Variants in THSD7A observed in about 807,000 individuals in gnomAD.
THSD7A encodes thrombospondin type-1 domain-containing protein 7A.
THSD7A carries 96 observed loss-of-function variants against 231.3 expected under a neutral mutation model. That is an observed-to-expected ratio of 0.41 (90% CI 0.35 to 0.49). THSD7A has a LOEUF of 0.49. THSD7A is among the 20% of genes least tolerant of loss of function. The pLI, the probability that THSD7A is intolerant of heterozygous loss-of-function variation, is 0.05. For missense variants in THSD7A, 2,290 were observed against 2,070.2 expected, an observed-to-expected ratio of 1.11 and a Z score of -2.06; for synonymous variants, 940 against 743.3, an observed-to-expected ratio of 1.26 and a Z score of -4.30.
intron 1 of THSD7A, among the ~76,000 whole-genome samples, chr7:11,659,479 T>A (rs1245661896): frequency 6.6e-6 from 1 of 151,490 alleles, no homozygotes; most frequent in African/African-American, 2.4e-5. Context: ...TCTCTCTTGA[T>A]ATTGTGTTTT....
chr7:11,412,305 A>G (rs886365), intron 18 of THSD7A, among the ~76,000 whole-genome samples: 9,354 of 152,210 alleles, frequency 0.061, 590 homozygotes, highest in African/African-American at 0.15. Flanking sequence ...GCAATTAAGC[A>G]TCTTCTGAAA....
chr7:11,399,234 A>G (rs1039645432), intron 23 of THSD7A, among the ~76,000 whole-genome samples: 2 of 152,224 alleles, frequency 1.3e-5, no homozygotes, highest in African/African-American at 4.8e-5. Flanking sequence ...TATATAATCT[A>G]TGGTGTAGGT....
chr7:11,808,297 C>G (rs1784447710), intron 1 of THSD7A, among the ~76,000 whole-genome samples: 1 of 152,136 alleles, frequency 6.6e-6, no homozygotes, highest in African/African-American at 2.4e-5. Context: ...GGGATTAAGG[C>G]CCTCATAAAA....
At chr7:11,798,302 T>C (rs960508213) in intron 1 of THSD7A, among the ~76,000 whole-genome samples, 5 of 152,014 alleles carry the variant, frequency 3.3e-5, no homozygotes, top group Admixed American at 1.3e-4. Context: ...AAACCCCATC[T>C]CCACTAAAAA....
Position 11,636,062 on chromosome 7 carries a change from C to G in THSD7A, c.1022+68G>C. ...TAATCCAGAAGTTATTAGATAGTAC[C>G]GGATATCTTAGGTACTCATGATTCT... On this transcript the variant is annotated intron_variant, in intron 2 of 27. Transcript: ENST00000423059. This position sits in a 1 kb window ranked among gnomAD's most constrained non-coding sequence, Gnocchi z 10.0. 2.8e-6 allele frequency: 4 copies of G among 1,405,864 alleles called. No homozygotes were observed. The highest frequency in any genetic ancestry group is 9.8e-7 in the Non-Finnish European group (1 of 1,025,134). 87.1% of individuals were successfully genotyped at this position (1,405,864 alleles called of 1,614,324 possible). A position where few individuals can be genotyped will look rare whatever the true frequency, so the allele number is the denominator to read the frequency against.
At chr7:11,684,610 A>T (rs1025884191) in intron 1 of THSD7A, among the ~76,000 whole-genome samples, 12 of 151,980 alleles carry the variant, frequency 7.9e-5, no homozygotes, top group African/African-American at 2.7e-4. Flanking sequence ...TGGAAACCAA[A>T]TCAAGAATGC....
At chr7:11,795,122 T>C (rs1178366930) in intron 1 of THSD7A, among the ~76,000 whole-genome samples, 2 of 151,860 alleles carry the variant, frequency 1.3e-5, no homozygotes, top group African/African-American at 4.8e-5. Flanking sequence ...TTTTTGTTTG[T>C]CTTTAACCGA....
chr7:11,619,650 G>A (rs1781237677), intron 2 of THSD7A, among the ~76,000 whole-genome samples: 1 of 151,774 alleles, frequency 6.6e-6, no homozygotes, highest in African/African-American at 2.4e-5. Context: ...TTCAACTCTT[G>A]GTGTCAAGCG....
chr7:11,500,423 C>A (rs1368797954), intron 6 of THSD7A, among the ~76,000 whole-genome samples: 1 of 152,092 alleles, frequency 6.6e-6, no homozygotes, highest in Non-Finnish European at 1.5e-5. Flanking sequence ...AACACAATAA[C>A]CAGCTAACAG....
chr7:11,689,267 G>A (rs1780159084), intron 1 of THSD7A, among the ~76,000 whole-genome samples: 1 of 151,824 alleles, frequency 6.6e-6, no homozygotes, highest in Admixed American at 6.6e-5. Context: ...GCACTTGCCG[G>A]TTCATTGACT....
At chr7:11,588,979 T>A (rs552003062) in intron 4 of THSD7A, among the ~76,000 whole-genome samples, 1 of 152,212 alleles carries the variant, frequency 6.6e-6, no homozygotes, top group Non-Finnish European at 1.5e-5. Flanking sequence ...ATTTTGAAAG[T>A]TGCAACTGCA....
chr7:11,571,251 G>T (rs1562730772), intron 4 of THSD7A, among the ~76,000 whole-genome samples: 1 of 152,190 alleles, frequency 6.6e-6, no homozygotes, highest in African/African-American at 2.4e-5. Context: ...GATGGTGGAG[G>T]TTCCACAGAT....
chr7:11,461,388 A>G (rs572934585), intron 10 of THSD7A, among the ~76,000 whole-genome samples: 2 of 152,222 alleles, frequency 1.3e-5, no homozygotes, highest in Non-Finnish European at 2.9e-5. Flanking sequence ...AATTGATGCC[A>G]TAATACTTCA....
At chr7:11,796,033 CATATATATATATATATATATAT>C (rs6149988) in intron 1 of THSD7A, among the ~76,000 whole-genome samples, 2,170 of 107,468 alleles carry the variant, frequency 0.02, 82 homozygotes, top group African/African-American at 0.065. Context: ...TTAAATTAGC[CATATATATATATATATATATAT>C]ATATATATAT....
chr7:11,567,643 T>A (rs1311761202), intron 4 of THSD7A, among the ~76,000 whole-genome samples: 2 of 152,182 alleles, frequency 1.3e-5, no homozygotes, highest in African/African-American at 4.8e-5. Flanking sequence ...GACATCTGAT[T>A]TAGGGTAACT....
chr7:11,811,274 T>C (rs1353907465), intron 1 of THSD7A, among the ~76,000 whole-genome samples: 1 of 152,154 alleles, frequency 6.6e-6, no homozygotes. Context: ...ACAAGTTATG[T>C]AAAGACCTTC....
chr7:11,519,756 T>C (rs1328592899), intron 6 of THSD7A, among the ~76,000 whole-genome samples: 1 of 152,206 alleles, frequency 6.6e-6, no homozygotes, highest in Non-Finnish European at 1.5e-5. Context: ...TTAATAGTGT[T>C]CTTGATATAG....
chr7:11,536,473 G>A (rs1788919621), intron 6 of THSD7A, among the ~76,000 whole-genome samples: 1 of 152,116 alleles, frequency 6.6e-6, no homozygotes, highest in African/African-American at 2.4e-5. Context: ...AGAATTGGAA[G>A]TTTCTGGGAC....
intron 7 of THSD7A, among the ~76,000 whole-genome samples, chr7:11,479,289 A>C (rs1301329222): frequency 2.6e-5 from 4 of 152,188 alleles, no homozygotes; most frequent in Non-Finnish European, 5.9e-5. Context: ...ATTCTGATTA[A>C]GATAAGTGAA....
Sources: allele counts gnomAD v4.1 joint callset (sites outside exome capture counted in the v4.1 genomes callset), GRCh38; gene constraint gnomAD v4.1.1; non-coding constraint Gnocchi (gnomAD v3.1); transcripts MANE v1.5; gene names NCBI Gene and HGNC (gene_info 2026-07-23, HGNC 2026-07-21).